TRHDE: variants seen among roughly 807,000 people sequenced by gnomAD.
TRHDE encodes thyrotropin-releasing hormone-degrading ectoenzyme.
In TRHDE, 72 loss-of-function variants were observed where a neutral mutation model predicts 125.7. That is an observed-to-expected ratio of 0.57 (90% CI 0.47 to 0.70). The LOEUF is 0.70. Ranked by LOEUF, TRHDE falls within the 30% of genes least tolerant of loss-of-function variation. The probability of loss-of-function intolerance (pLI) is 0.00; values close to 1 mark genes in which losing one functional copy is unlikely to be tolerated. For synonymous variants in TRHDE, 509 were observed against 509.1 expected, an observed-to-expected ratio of 1.00 and a Z score of 0.00; for missense variants, 1,110 against 1,327.1, an observed-to-expected ratio of 0.84 and a Z score of 2.54.
At position 72,273,599 on chromosome 12, in the gene TRHDE, C is replaced by T. The variant is rs748029343; in HGVS notation, c.914+42C>T. The T allele has an allele frequency of 6.5e-6, 10 of 1,534,730 alleles. No individual in the cohort carries two copies. The highest frequency in any genetic ancestry group is 2.7e-5 in the African/African-American group (2 of 73,410). ...TGCCCCGCGCTGCCCCACCCCGGCG[C>T]GCGGCTCGAACCTCTGGGCGGCCTG... On this transcript the variant is annotated intron_variant, in intron 1 of 18. Transcript: ENST00000261180. The surrounding 1 kb of genome is among the most constrained non-coding windows in gnomAD (Gnocchi z 5.3).
chr12:72,464,616 A>G (rs990989384), intron 3 of TRHDE, among the ~76,000 whole-genome samples: 3 of 152,222 alleles, frequency 2.0e-5, no homozygotes, highest in Non-Finnish European at 4.4e-5. Context: ...GAAAGTGGCA[A>G]GAAAATGAAA....
chr12:72,141,218 A>AT (rs941704128), intron 2 of TRHDE, among the ~76,000 whole-genome samples: 2 of 152,008 alleles, frequency 1.3e-5, no homozygotes, highest in East Asian at 1.9e-4. Context: ...ATAAAATGCT[A>AT]TTTTTTTCCC....
intron 2 of TRHDE, among the ~76,000 whole-genome samples, chr12:72,176,548 T>C (rs1876992607): frequency 6.6e-6 from 1 of 152,250 alleles, no homozygotes; most frequent in African/African-American, 2.4e-5. Context: ...AGTAAATACA[T>C]GCTATCTCAG....
chr12:72,491,098 C>T lies in TRHDE; in HGVS notation c.1585-8400C>T, dbSNP rs1041512251. Among the ~76,000 whole-genome samples the T allele has an allele frequency of 5.3e-5, 8 of 151,104 alleles. No homozygotes were observed. The East Asian group carries it at 5.8e-4, about 11-fold the overall frequency. The stretch of plus-strand genomic sequence containing the variant: ...TGTATATCCCATGTTATGTTGTATA[C>T]CTTAAATTTACACAATAATATTTAT... On this transcript the variant is annotated intron_variant, in intron 5 of 18. Coordinates refer to ENST00000261180, the MANE Select transcript of TRHDE (RefSeq NM_013381.3).
chr12:72,292,382 G>T (rs1016859684), intron 2 of TRHDE, among the ~76,000 whole-genome samples: 2 of 152,180 alleles, frequency 1.3e-5, no homozygotes, highest in African/African-American at 4.8e-5. Context: ...AAAACAGCAA[G>T]TCCTGGCTCT....
At chr12:72,443,817 G>A (rs1294022745) in intron 3 of TRHDE, among the ~76,000 whole-genome samples, 1 of 151,740 alleles carries the variant, frequency 6.6e-6, no homozygotes, top group Non-Finnish European at 1.5e-5. Flanking sequence ...TGGATTCCAA[G>A]AGAAAAGTAG....
rs1408008585 is a variant in TRHDE, at chr12:72,528,747, A to G, written c.1723-13544A>G. Among the ~76,000 whole-genome samples, 4 of 151,996 alleles carry G rather than the reference A, an allele frequency of 2.6e-5. No individual in the cohort carries two copies. In the East Asian group the frequency reaches 7.7e-4, roughly 29 times the overall value. On this transcript the variant is annotated intron_variant, in intron 6 of 18. Transcript: ENST00000261180. ...CGTGACCCCCCGCCTCTGCCTCCCA[A>G]AGTGCTGGGATTACAGGTGTGAGCC...
In TRHDE at chr12:72,272,884, G is replaced by A. The variant is rs1316738693; in HGVS notation, c.241G>A (p.Val81Ile). Residue 81 changes from valine to isoleucine, a missense_variant, in exon 1 of 19, where the codon GTA (valine) becomes ATA (isoleucine). Coordinates refer to ENST00000261180, the MANE Select transcript of TRHDE (RefSeq NM_013381.3). The surrounding 1 kb of genome is among the most constrained non-coding windows in gnomAD (Gnocchi z 6.7). ...RPRTTERHIA[V>I]HKRLVLAFAV... ...CCGCACCACGGAGCGCCACATCGCC[G>A]TACACAAGCGGCTTGTGCTGGCCTT... 1 of 1,579,588 alleles carries A rather than the reference G, an allele frequency of 6.3e-7. No homozygotes were observed. The highest frequency in any genetic ancestry group is 2.3e-5 in the East Asian group (1 of 44,034).
chr12:72,294,324 T>C (rs1443511658), intron 2 of TRHDE, among the ~76,000 whole-genome samples: 1 of 152,122 alleles, frequency 6.6e-6, no homozygotes, highest in Non-Finnish European at 1.5e-5. Context: ...AGGAGCCTTA[T>C]TGAATGATAG....
At chr12:72,091,493 A>C (rs1037774052) in intron 1 of TRHDE, among the ~76,000 whole-genome samples, 2 of 152,214 alleles carry the variant, frequency 1.3e-5, no homozygotes, top group East Asian at 3.8e-4. Flanking sequence ...AGGTAACTAT[A>C]GTGGATATCT....
intron 2 of TRHDE, among the ~76,000 whole-genome samples, chr12:72,341,138 T>G (rs1439843749): frequency 6.6e-6 from 1 of 152,028 alleles, no homozygotes; most frequent in Non-Finnish European, 1.5e-5. Flanking sequence ...TTCAGTTTTT[T>G]TTTTTTTAAT....
intron 9 of TRHDE, among the ~76,000 whole-genome samples, chr12:72,567,331 A>G (rs927353220): frequency 1.3e-5 from 2 of 151,824 alleles, no homozygotes; most frequent in Non-Finnish European, 2.9e-5. Flanking sequence ...TTCATTAAGT[A>G]TAGGATATAG....
At chr12:72,133,499 TTATA>T (rs1875912101) in intron 2 of TRHDE, among the ~76,000 whole-genome samples, 3 of 152,166 alleles carry the variant, frequency 2.0e-5, no homozygotes, top group Non-Finnish European at 2.9e-5. Flanking sequence ...AGAAGTCCTA[TTATA>T]AGATGCCTGG....
At chr12:72,401,005 A>G (rs1873018909) in intron 3 of TRHDE, among the ~76,000 whole-genome samples, 1 of 152,196 alleles carries the variant, frequency 6.6e-6, no homozygotes, top group Non-Finnish European at 1.5e-5. Context: ...ATATTTTAAG[A>G]TGGTCCTATT....
At chr12:72,163,578 G>C (rs968357434) in intron 2 of TRHDE, among the ~76,000 whole-genome samples, 4 of 152,140 alleles carry the variant, frequency 2.6e-5, no homozygotes, top group African/African-American at 9.7e-5. Context: ...GGCTTTGATA[G>C]GTCTAAATTC....
At chr12:72,633,018 A>G (rs2136088322) in intron 15 of TRHDE, among the ~76,000 whole-genome samples, 1 of 152,154 alleles carries the variant, frequency 6.6e-6, no homozygotes, top group South Asian at 2.1e-4. Flanking sequence ...AACGTTCATC[A>G]TCCCTCTTTC....
intron 3 of TRHDE, among the ~76,000 whole-genome samples, chr12:72,430,370 C>CAT (rs1254703429): frequency 3.6e-5 from 5 of 137,112 alleles, no homozygotes; most frequent in African/African-American, 1.1e-4. Context: ...TACATATATA[C>CAT]GTATATATAC....
At chr12:72,277,121 T>G (rs1306074009) in intron 1 of TRHDE, among the ~76,000 whole-genome samples, 1 of 152,176 alleles carries the variant, frequency 6.6e-6, no homozygotes, top group African/African-American at 2.4e-5. Flanking sequence ...CATGCCAAAG[T>G]GAGACGACAT....
At chr12:72,210,649 T>G (rs1325296146) in intron 2 of TRHDE, among the ~76,000 whole-genome samples, 4 of 152,204 alleles carry the variant, frequency 2.6e-5, no homozygotes, top group Non-Finnish European at 5.9e-5. Flanking sequence ...AAGGAGAATT[T>G]AACTTACAAC....
Sources: gnomAD v4.1 joint callset for allele counts (sites outside exome capture counted in the v4.1 genomes callset) on GRCh38, gnomAD v4.1.1 for gene constraint, Gnocchi (gnomAD v3.1) non-coding constraint, MANE v1.5 for transcripts, NCBI Gene and HGNC (gene_info 2026-07-23, HGNC 2026-07-21) for gene names.